GPR137B: variants seen among roughly 807,000 people sequenced by gnomAD.
The protein encoded by GPR137B is G protein-coupled receptor 137B.
A neutral mutation model predicts 42.5 loss-of-function variants in GPR137B; 42 were observed. That is an observed-to-expected ratio of 0.99 (90% CI 0.77 to 1.28). The LOEUF (loss-of-function observed/expected upper bound fraction) is 1.28. Among genes scored for constraint, GPR137B ranks in the 50% most tolerant of loss-of-function variants. The pLI is 0.00. For missense variants in GPR137B, 487 were observed against 493.9 expected (o/e 0.99, Z 0.13); for synonymous variants, 218 against 209.7 (o/e 1.04, Z -0.34).
At chr1:236,190,221 A>G (rs10802379) in intron 5 of GPR137B, among the ~76,000 whole-genome samples, 49,415 of 136,646 alleles carry the variant, frequency 0.36, 8,818 homozygotes, top group East Asian at 0.63. Context: ...GAGCCTATGT[A>G]TGTCTTTTCA....
At chr1:236,177,508 T>C (rs1310339736) in intron 2 of GPR137B, among the ~76,000 whole-genome samples, 2 of 151,964 alleles carry the variant, frequency 1.3e-5, no homozygotes, top group Non-Finnish European at 2.9e-5. Flanking sequence ...TGAAGTAGAG[T>C]TTTGCATCTG....
intron 5 of GPR137B, among the ~76,000 whole-genome samples, chr1:236,191,587 C>T (rs542147814): frequency 6.8e-4 from 104 of 152,338 alleles, no homozygotes; most frequent in African/African-American, 2.4e-3. Context: ...GACCCCTCTG[C>T]TGCAGGTCTG....
rs1317374115 is a variant in GPR137B at position 236,179,944 on chromosome 1, C to T, written c.753C>T (p.Ala251=). Residue 251 remains alanine (A), a synonymous_variant, in exon 4 of 7, where the codon GCC becomes GCT. Transcript: ENST00000366592. The part of the protein sequence containing the change: ...VTVILLYTSR[A]CYNLFILSFS... ...TGATACTGCTTTACACCTCTCGGGC[C>T]TGCTACAACCTGTTCATCCTGTCAT... 3.1e-6 allele frequency: 5 copies of T among 1,612,102 alleles called. No individual in the cohort carries two copies. The highest frequency in any genetic ancestry group is 1.7e-5 in the Admixed American group (1 of 59,884).
At chr1:236,169,670 A>G (rs772024715) in intron 2 of GPR137B, among the ~76,000 whole-genome samples, 2 of 151,906 alleles carry the variant, frequency 1.3e-5, no homozygotes, top group East Asian at 3.9e-4. Flanking sequence ...GCATTTTCCT[A>G]TGGAGGGGTT....
intron 1 of GPR137B, among the ~76,000 whole-genome samples, chr1:236,153,179 A>G (rs1484679693): frequency 6.6e-6 from 1 of 152,212 alleles, no homozygotes; most frequent in Non-Finnish European, 1.5e-5. Context: ...AGTGATGTTC[A>G]GTACATTCAC....
Position 236,208,373 on chromosome 1 carries a change from ATTTAAACTT to A in GPR137B, c.*222_*230del. 2.5e-6 allele frequency: 3 copies of A among 1,187,750 alleles called. No homozygotes were observed. The highest frequency in any genetic ancestry group is 3.2e-6 in the Non-Finnish European group (3 of 931,638). 73.6% of individuals were successfully genotyped at this position (1,187,750 alleles called of 1,614,324 possible). ...GAGCCTTGCTATTTCAGTGGGTATA[ATTTAAACTT>A]TTTAAAGAAAATCTGTACTTTTATA... On this transcript the variant is annotated 3_prime_UTR_variant, in exon 7 of 7. Transcript: ENST00000366592.
At chr1:236,151,418 ATTTTTTTTTTTTTT>A (rs60574023) in intron 1 of GPR137B, among the ~76,000 whole-genome samples, 1 of 72,370 alleles carries the variant, frequency 1.4e-5, no homozygotes, top group Non-Finnish European at 2.5e-5. Context: ...TTGCATATTC[ATTTTTTTTTTTTTT>A]TTTTTTTTTT....
chr1:236,190,714 T>A (rs894549035), intron 5 of GPR137B, among the ~76,000 whole-genome samples: 7 of 152,250 alleles, frequency 4.6e-5, no homozygotes, highest in Non-Finnish European at 8.8e-5. Flanking sequence ...CTTTGTCTGA[T>A]GGGCTTCCCT....
At chr1:236,182,989 G>C (rs540687006) in intron 4 of GPR137B, among the ~76,000 whole-genome samples, 1 of 152,286 alleles carries the variant, frequency 6.6e-6, no homozygotes, top group South Asian at 2.1e-4. Context: ...AGAAGCATGC[G>C]TAGTTTTGGT....
chr1:236,145,554 T>C (rs532775057), intron 1 of GPR137B, among the ~76,000 whole-genome samples: 1 of 152,316 alleles, frequency 6.6e-6, no homozygotes, highest in African/African-American at 2.4e-5. Flanking sequence ...AGACAGTGTT[T>C]CACCATGTTG....
chr1:236,167,455 T>G (rs578247081), intron 1 of GPR137B, among the ~76,000 whole-genome samples: 21 of 151,022 alleles, frequency 1.4e-4, no homozygotes, highest in African/African-American at 5.2e-4. Context: ...TCCAAACAAG[T>G]TAGAACTCAT....
At chr1:236,170,049 A>C (rs1571980325) in intron 2 of GPR137B, among the ~76,000 whole-genome samples, 1 of 146,498 alleles carries the variant, frequency 6.8e-6, no homozygotes, top group East Asian at 1.9e-4. Flanking sequence ...CAAAAAAAAA[A>C]AAAAAAAAAA....
In GPR137B at chr1:236,208,237, A is replaced by G. The variant is rs1402979039; in HGVS notation, c.*79A>G. On this transcript the variant is annotated 3_prime_UTR_variant, in exon 7 of 7. Coordinates refer to ENST00000366592, the MANE Select transcript of GPR137B (RefSeq NM_003272.4). The stretch of plus-strand genomic sequence containing the variant: ...ATAGTGACAGCTGAATTTTTAGGGC[A>G]CTTTTCCTTAAGAAATAGAACTTGA... The G allele has an allele frequency of 1.3e-6, 2 of 1,551,750 alleles. No individual in the cohort carries two copies. Among genetic ancestry groups the G allele is most frequent in the South Asian group, 1.2e-5 (1 of 82,616 alleles).
intron 1 of GPR137B, among the ~76,000 whole-genome samples, chr1:236,161,082 C>A (rs960325155): frequency 6.6e-6 from 1 of 152,076 alleles, no homozygotes; most frequent in Admixed American, 6.5e-5. Context: ...CCCTCCAATT[C>A]CCCGCCACGC....
chr1:236,163,236 A>C (rs1051093031), intron 1 of GPR137B, among the ~76,000 whole-genome samples: 1 of 152,128 alleles, frequency 6.6e-6, no homozygotes, highest in African/African-American at 2.4e-5. Flanking sequence ...ACTTTCTCCC[A>C]CTTGGAACGG....
intron 1 of GPR137B, among the ~76,000 whole-genome samples, chr1:236,166,033 G>A (rs962162237): frequency 3.3e-5 from 5 of 152,196 alleles, no homozygotes; most frequent in Non-Finnish European, 5.9e-5. Context: ...GTTACCTACC[G>A]CTTGGTAAAC....
At chr1:236,154,676 T>G (rs982926120) in intron 1 of GPR137B, among the ~76,000 whole-genome samples, 1 of 151,496 alleles carries the variant, frequency 6.6e-6, no homozygotes. Context: ...TCCTAAAACC[T>G]CAGAATTCTC....
intron 1 of GPR137B, among the ~76,000 whole-genome samples, chr1:236,165,639 G>T (rs751353476): frequency 6.6e-6 from 1 of 152,114 alleles, no homozygotes; most frequent in Non-Finnish European, 1.5e-5. Flanking sequence ...GTTCCATAGC[G>T]CAGTGCTTCC....
intron 6 of GPR137B, among the ~76,000 whole-genome samples, chr1:236,207,515 GAAGAC>G (rs1420196282): frequency 6.6e-6 from 1 of 152,188 alleles, no homozygotes; most frequent in Non-Finnish European, 1.5e-5. Flanking sequence ...CCGATATGGT[GAAGAC>G]AAGACCCCCT....
Sources: gnomAD v4.1 joint callset for allele counts (sites outside exome capture counted in the v4.1 genomes callset) on GRCh38, gnomAD v4.1.1 for gene constraint, MANE v1.5 for transcripts, NCBI Gene and HGNC (gene_info 2026-07-23, HGNC 2026-07-21) for gene names.